TJP3: variants seen among roughly 807,000 people sequenced by gnomAD.
The protein encoded by TJP3 is tight junction protein 3.
A neutral mutation model predicts 104.2 loss-of-function variants in TJP3; 85 were observed. The ratio of observed to expected loss-of-function variants is 0.82; its 90% CI spans 0.68 to 0.98. TJP3 has a LOEUF of 0.98. TJP3 is among the 50% of genes least tolerant of loss of function. The pLI is 0.00. For synonymous variants in TJP3, 550 were observed against 550.6 expected, an observed-to-expected ratio of 1.00 and a Z score of 0.02; for missense variants, 1,367 against 1,322.8, an observed-to-expected ratio of 1.03 and a Z score of -0.52.
chr19:3,723,311 A>G (rs770320913), intron 1 of TJP3, among the ~76,000 whole-genome samples: 1 of 152,166 alleles, frequency 6.6e-6, no homozygotes, highest in South Asian at 2.1e-4. Context: ...AAGGATGAAT[A>G]GGAGTTTGCC....
In TJP3 at chr19:3,736,287, G is replaced by A; in HGVS notation, c.1250G>A (p.Gly417Glu). 3 of 1,539,446 alleles carry A rather than the reference G, an allele frequency of 1.9e-6. No individual in the cohort carries two copies. Among genetic ancestry groups the A allele is most frequent in the Non-Finnish European group, 2.6e-6 (3 of 1,145,814 alleles). ...SGVQAGSPAD[G>E]QGIQEGDQIL... ...GTGCAGGCGGGCAGCCCGGCCGACG[G>A]GCAGGGCATCCAGGAGGGAGATCAG... The change falls in exon 11 of 21, where the codon GGG becomes GAG. Residue 417 changes from glycine to glutamate, a missense_variant. Coordinates refer to ENST00000541714, the MANE Select transcript of TJP3 (RefSeq NM_001267560.2).
chr19:3,717,754 T>C (rs1041970646), intron 1 of TJP3, among the ~76,000 whole-genome samples: 1 of 151,788 alleles, frequency 6.6e-6, no homozygotes, highest in African/African-American at 2.4e-5. Context: ...TTAAAAATTT[T>C]TGTGGATGTG....
chr19:3,721,822 C>T, intron 1 of TJP3: 1 of 924,816 alleles, frequency 1.1e-6, no homozygotes, highest in Non-Finnish European at 1.4e-6. Context: ...TCCCCCAGCC[C>T]GGGGTGGGGG....
intron 7 of TJP3, 160 bp from the exon 8 acceptor site, chr19:3,734,167 G>A (rs759346686): frequency 4.3e-5 from 38 of 885,036 alleles, no homozygotes; most frequent in Admixed American, 7.9e-5. Flanking sequence ...GATTATAGGC[G>A]TGAGCCACCG....
intron 1 of TJP3, 146 bp from the exon 2 acceptor site, chr19:3,728,278 T>C: frequency 7.8e-7 from 1 of 1,274,036 alleles, no homozygotes; most frequent in East Asian, 2.5e-5. Context: ...CAAAAAAACC[T>C]GAGGCCCTGA....
At chr19:3,727,483 CAAAAAA>C (rs36057859) in intron 1 of TJP3, among the ~76,000 whole-genome samples, 2 of 86,650 alleles carry the variant, frequency 2.3e-5, no homozygotes, top group Admixed American at 1.2e-4. Context: ...AACTCTGTCT[CAAAAAA>C]AAAAAAAAAA....
chr19:3,722,676 G>A (rs1221242559), intron 1 of TJP3, among the ~76,000 whole-genome samples: 1 of 151,916 alleles, frequency 6.6e-6, no homozygotes, highest in Non-Finnish European at 1.5e-5. Flanking sequence ...GGGTAGACTG[G>A]GACTGCAGCG....
rs1051503368 is a variant in TJP3 at position 3,733,981 on chromosome 19, C to G, written c.877+69C>G. 8 of 1,559,676 alleles carry G rather than the reference C, an allele frequency of 5.1e-6. No individual in the cohort carries two copies. The Admixed American group carries it at 1.3e-4, about 26-fold the overall frequency. On this transcript the variant is annotated intron_variant, in intron 7 of 20. Coordinates refer to ENST00000541714, the MANE Select transcript of TJP3 (RefSeq NM_001267560.2). ...GGCAGGGAAGGTGGGAAGCCCCAGG[C>G]AGGGCCAAGGAATCAATGAGCCTGG...
chr19:3,744,390 G>A (rs12982783), intron 15 of TJP3, among the ~76,000 whole-genome samples: 1 of 152,204 alleles, frequency 6.6e-6, no homozygotes, highest in African/African-American at 2.4e-5. Flanking sequence ...CAATGGCCGG[G>A]TGCGGTGGCT....
intron 1 of TJP3, among the ~76,000 whole-genome samples, chr19:3,722,866 G>GGC (rs2036556861): frequency 9.9e-6 from 1 of 101,106 alleles, no homozygotes. Context: ...CGGGGGGGGG[G>GGC]GGCACAGGGG....
chr19:3,748,162 G>A, intron 19 of TJP3, 81 bp downstream of exon 19: 2 of 1,438,874 alleles, frequency 1.4e-6, no homozygotes, highest in Middle Eastern at 1.9e-4. Context: ...CTGGGAGCCT[G>A]TTTTCTACCA....
intron 20 of TJP3, 86 bp from the exon 21 acceptor site, chr19:3,750,496 G>A: frequency 3.4e-6 from 4 of 1,191,752 alleles, no homozygotes; most frequent in South Asian, 1.4e-5. Flanking sequence ...CACACCCACT[G>A]TGCCTAGCAC....
intron 13 of TJP3, 81 bp downstream of exon 13, chr19:3,739,215 G>A (rs943665905): frequency 1.5e-6 from 2 of 1,332,084 alleles, no homozygotes; most frequent in East Asian, 2.4e-5. Flanking sequence ...GATTGGGCTG[G>A]ACGCGGTGGC....
chr19:3,717,496 C>T (rs544778396), intron 1 of TJP3, among the ~76,000 whole-genome samples: 255 of 151,128 alleles, frequency 1.7e-3, no homozygotes, highest in Non-Finnish European at 2.0e-3. Context: ...AGTGCAGTGG[C>T]GTGATCTCAG....
Position 3,730,413 on chromosome 19 carries a change from C to T in TJP3, c.320C>T (p.Pro107Leu), listed in dbSNP as rs760387624. 3.2e-6 allele frequency: 5 copies of T among 1,584,832 alleles called. No individual in the cohort carries two copies. The highest frequency in any genetic ancestry group is 2.3e-5 in the East Asian group (1 of 43,910). The part of the protein sequence containing the change: ...LPATKASPSS[P>L]GRQDSDEDDG... ...GCCACCAAAGCCAGCCCCTCCAGCCCAGGGCGCCAGGACTCGGATGAAGAC... is the reference window on the plus strand; with the variant it reads ...GCCACCAAAGCCAGCCCCTCCAGCCTAGGGCGCCAGGACTCGGATGAAGAC... Residue 107 changes from proline (P) to leucine (L), a missense_variant, in exon 5 of 21, where the codon CCA becomes CTA. Pro to Leu is a moderately conservative substitution (Grantham distance 98). Coordinates refer to ENST00000541714, the MANE Select transcript of TJP3 (RefSeq NM_001267560.2). The surrounding 1 kb of genome is among the most constrained non-coding windows in gnomAD (Gnocchi z 7.3).
intron 13 of TJP3, among the ~76,000 whole-genome samples, chr19:3,740,241 A>G (rs1237700833): frequency 6.6e-6 from 1 of 150,926 alleles, no homozygotes; most frequent in Non-Finnish European, 1.5e-5. Flanking sequence ...AAAAAAGTAA[A>G]TAAATAAATA....
At chr19:3,720,090 T>A (rs1404618024) in intron 1 of TJP3, among the ~76,000 whole-genome samples, 6 of 152,148 alleles carry the variant, frequency 3.9e-5, no homozygotes, top group Non-Finnish European at 7.4e-5. Context: ...ATGTAGGGGC[T>A]ATTATTTTCC....
chr19:3,749,093 G>T (rs933247438), intron 19 of TJP3, among the ~76,000 whole-genome samples: 1 of 150,284 alleles, frequency 6.7e-6, no homozygotes. Flanking sequence ...GCTGGTCTCC[G>T]ATTCCTGACC....
At chr19:3,716,652 G>A (rs1257555366) in intron 1 of TJP3, among the ~76,000 whole-genome samples, 5 of 146,238 alleles carry the variant, frequency 3.4e-5, no homozygotes, top group African/African-American at 7.3e-5. Context: ...TTGAGACAGC[G>A]TCTAGCTCTG....
Sources: allele counts gnomAD v4.1 joint callset (sites outside exome capture counted in the v4.1 genomes callset), GRCh38; gene constraint gnomAD v4.1.1; non-coding constraint Gnocchi (gnomAD v3.1); transcripts MANE v1.5; gene names NCBI Gene and HGNC (gene_info 2026-07-23, HGNC 2026-07-21).